The following ITGA11 variants were observed in gnomAD, a reference collection of about 807,000 sequenced individuals.
The protein encoded by ITGA11 is integrin subunit alpha 11.
Under a neutral mutation model 141.9 loss-of-function variants are expected in ITGA11, and 97 were observed. The observed-to-expected ratio is 0.68, with a 90% CI of 0.58 to 0.81. The LOEUF (loss-of-function observed/expected upper bound fraction) is 0.81. Ranked by LOEUF, ITGA11 falls within the 30% of genes least tolerant of loss-of-function variation. ITGA11 has a pLI of 0.00. For synonymous variants in ITGA11, 658 were observed against 624.6 expected, an observed-to-expected ratio of 1.05 and a Z score of -0.80; for missense variants, 1,387 against 1,559.2, an observed-to-expected ratio of 0.89 and a Z score of 1.86.
At position 68,408,732 on chromosome 15, in the gene ITGA11, G is replaced by A. The variant is rs147844480; in HGVS notation, c.53-5703C>T. On this transcript the variant is annotated intron_variant, in intron 1 of 29. Coordinates refer to ENST00000315757, the MANE Select transcript of ITGA11 (RefSeq NM_001004439.2). ...GCTTTCCTGGTGCAAATGTGGAGCC[G>A]GGGAAAAGAAGAGAACAGCCTACCT... Among the ~76,000 whole-genome samples the A allele has an allele frequency of 1.4e-3, 218 of 152,250 alleles. 1 individual carries two copies. Among genetic ancestry groups the A allele is most frequent in the African/African-American group, 4.5e-3 (188 of 41,540 alleles).
chr15:68,371,810 C>T (rs11857985), intron 2 of ITGA11, among the ~76,000 whole-genome samples: 31,071 of 151,874 alleles, frequency 0.2, 3,566 homozygotes, highest in African/African-American at 0.28. Flanking sequence ...CGAAAAGTCA[C>T]GTGTCCTGGC....
intron 2 of ITGA11, among the ~76,000 whole-genome samples, chr15:68,372,462 A>G (rs1269238205): frequency 1.3e-5 from 2 of 152,222 alleles, no homozygotes; most frequent in Admixed American, 1.3e-4. Flanking sequence ...CGTGGCGAGC[A>G]TCCGGCCCTT....
intron 5 of ITGA11, among the ~76,000 whole-genome samples, chr15:68,359,292 G>C (rs1015910619): frequency 1.3e-5 from 2 of 152,126 alleles, no homozygotes; most frequent in African/African-American, 4.8e-5. Flanking sequence ...ATCAGGTCAA[G>C]CTCTCGTGCC....
chr15:68,373,197 G>A (rs1895641505), intron 2 of ITGA11, among the ~76,000 whole-genome samples: 1 of 152,102 alleles, frequency 6.6e-6, no homozygotes, highest in Non-Finnish European at 1.5e-5. Context: ...CACATAAACT[G>A]GCTTGTAATC....
chr15:68,392,048 A>T (rs1896133523), intron 2 of ITGA11, among the ~76,000 whole-genome samples: 2 of 152,298 alleles, frequency 1.3e-5, no homozygotes, highest in South Asian at 4.1e-4. Context: ...GCACCTACTA[A>T]ACACCAGGAA....
chr15:68,380,088 G>C (rs1895821150), intron 2 of ITGA11, among the ~76,000 whole-genome samples: 2 of 152,182 alleles, frequency 1.3e-5, no homozygotes, highest in South Asian at 4.1e-4. Flanking sequence ...TTAGACTGGG[G>C]AAGAAAGCAA....
At chr15:68,341,726 T>C (rs912491234) in intron 10 of ITGA11, among the ~76,000 whole-genome samples, 2 of 152,224 alleles carry the variant, frequency 1.3e-5, no homozygotes, top group African/African-American at 4.8e-5. Context: ...CTGTGCTTCA[T>C]GGACAGGCCT....
In ITGA11 at chr15:68,379,263, T is replaced by C. The variant is rs149749891; in HGVS notation, c.165-9979A>G. 5.3e-3 allele frequency among the ~76,000 whole-genome samples: 801 copies of C among 152,310 alleles called. 8 individuals carry two copies. Among genetic ancestry groups the C allele is most frequent in the African/African-American group, 0.019 (774 of 41,570 alleles). On this transcript the variant is annotated intron_variant, in intron 2 of 29. Coordinates refer to ENST00000315757, the MANE Select transcript of ITGA11 (RefSeq NM_001004439.2). Reference sequence around the variant, plus strand: ...CCATCCACCCTTCAGTGCCTCTTCCTCCAGGAAGCCTTCCTTGATCTCTTA... The same window carrying C: ...CCATCCACCCTTCAGTGCCTCTTCCCCCAGGAAGCCTTCCTTGATCTCTTA...
Position 68,307,311 on chromosome 15 carries a change from G to T in ITGA11, c.3381+37C>A. ...GGCCAACCCTTTCCCAAGCTGTCCG[G>T]CCTAAGCCCAGTTCTGCAGGGCTCC... On this transcript the variant is annotated intron_variant, in intron 28 of 29. Coordinates refer to ENST00000315757, the MANE Select transcript of ITGA11 (RefSeq NM_001004439.2). The surrounding 1 kb of genome is among the most constrained non-coding windows in gnomAD (Gnocchi z 6.1). 6.9e-7 allele frequency: 1 copy of T among 1,448,552 alleles called. No individual in the cohort carries two copies. 89.7% of individuals were successfully genotyped at this position (1,448,552 alleles called of 1,614,324 possible). A position where few individuals can be genotyped will look rare whatever the true frequency, so the allele number is the denominator to read the frequency against.
intron 11 of ITGA11, 64 bp downstream of exon 11, chr15:68,339,436 G>T: frequency 6.5e-7 from 1 of 1,537,982 alleles, no homozygotes; most frequent in Non-Finnish European, 8.8e-7. Context: ...GCTGGGGGTT[G>T]TGCAGCCCCT....
intron 1 of ITGA11, among the ~76,000 whole-genome samples, chr15:68,423,855 C>T (rs375596715): frequency 5.3e-5 from 8 of 152,150 alleles, no homozygotes; most frequent in Admixed American, 1.3e-4. Flanking sequence ...TTGGCGTTGT[C>T]GGTGTCCCAT....
intron 2 of ITGA11, among the ~76,000 whole-genome samples, chr15:68,381,811 C>T (rs1895868694): frequency 1.3e-5 from 2 of 152,238 alleles, no homozygotes; most frequent in Non-Finnish European, 2.9e-5. Flanking sequence ...CCACCTTGGC[C>T]TCCCAAAGTG....
chr15:68,317,123 A>G (rs1893607038), intron 21 of ITGA11, 142 bp downstream of exon 21: 1 of 645,356 alleles, frequency 1.5e-6, no homozygotes, highest in African/African-American at 1.8e-5. Context: ...TGTGGGAGAA[A>G]AGACAAATAA....
In ITGA11 at chr15:68,298,828, G is replaced by C. The variant is rs1477713001; in HGVS notation, c.*4231C>G. On this transcript the variant is annotated 3_prime_UTR_variant, in exon 30 of 30. Transcript: ENST00000315757. ...ATCTTTTTTAATGCAGGGCCAGGGA[G>C]ATAATCCAGGAGTTTGAGACCAGCC... 3 of 152,144 alleles carry C rather than the reference G, an allele frequency of 2.0e-5. No individual in the cohort carries two copies. Among genetic ancestry groups the C allele is most frequent in the Non-Finnish European group, 4.4e-5 (3 of 68,088 alleles). The allele number at this position is 152,144 out of a possible 1,614,324, so 9.4% of individuals were successfully genotyped here. A position where few individuals can be genotyped will look rare whatever the true frequency, so the allele number is the denominator to read the frequency against.
intron 14 of ITGA11, 69 bp from the exon 15 acceptor site, chr15:68,331,180 G>GCAGGAACAAT (rs1555447599): frequency 7.0e-7 from 1 of 1,432,438 alleles, no homozygotes; most frequent in Admixed American, 2.0e-5. Flanking sequence ...TCCCCGAGCA[G>GCAGGAACAAT]CAGGAACAAT....
intron 1 of ITGA11, among the ~76,000 whole-genome samples, chr15:68,414,860 G>A (rs570898659): frequency 5.3e-5 from 8 of 152,200 alleles, no homozygotes; most frequent in Non-Finnish European, 8.8e-5. Flanking sequence ...ACGGCTTAGC[G>A]CCCAGCCGGG....
chr15:68,350,616 C>T lies in ITGA11; in HGVS notation c.1060+1G>A. On this transcript the variant is annotated splice_donor_variant, in intron 9 of 29. Transcript: ENST00000315757. LOFTEE classifies it high-confidence loss of function. Reference sequence around the variant, plus strand: ...ATCCCCTCTTAGCATGCATTGCTTACCTTCCAGGCTGAAGATTCTGTCCCC... The same window carrying T: ...ATCCCCTCTTAGCATGCATTGCTTATCTTCCAGGCTGAAGATTCTGTCCCC... The T allele has an allele frequency of 6.2e-7, 1 of 1,612,416 alleles. No homozygotes were observed. Among genetic ancestry groups the T allele is most frequent in the East Asian group, 2.2e-5 (1 of 44,846 alleles).
rs193208616 is a variant in ITGA11 at position 68,297,396 on chromosome 15, G to C, written c.*5663C>G. On this transcript the variant is annotated 3_prime_UTR_variant, in exon 30 of 30. Transcript: ENST00000315757. ...TATTTCGTTTAGCATTGAATTAATA[G>C]ATTTAGGGACATCTGTACAGTTCTG... 2.1e-4 allele frequency: 29 copies of C among 139,864 alleles called. No homozygotes were observed. In the East Asian group the frequency reaches 5.1e-3, roughly 25 times the overall value. 8.7% of individuals were successfully genotyped at this position (139,864 alleles called of 1,614,324 possible).
intron 2 of ITGA11, among the ~76,000 whole-genome samples, chr15:68,396,437 C>T (rs900870266): frequency 8.6e-5 from 13 of 151,860 alleles, no homozygotes; most frequent in African/African-American, 2.7e-4. Context: ...GAGTTATCTA[C>T]AATAAATAAA....
Sources: gnomAD v4.1 joint callset for allele counts (sites outside exome capture counted in the v4.1 genomes callset) on GRCh38, gnomAD v4.1.1 for gene constraint, Gnocchi (gnomAD v3.1) non-coding constraint, MANE v1.5 for transcripts, NCBI Gene and HGNC (gene_info 2026-07-23, HGNC 2026-07-21) for gene names.